The following BICC1 variants were observed in gnomAD, a reference collection of about 807,000 sequenced individuals.
The protein encoded by BICC1 is protein bicaudal C homolog 1.
Under a neutral mutation model 111.0 loss-of-function variants are expected in BICC1, and 43 were observed. The observed-to-expected ratio is 0.39, with a 90% CI of 0.30 to 0.50. BICC1 has a LOEUF of 0.50. Ranked by LOEUF, BICC1 falls within the 20% of genes least tolerant of loss-of-function variation. BICC1 has a pLI of 0.88. For synonymous variants in BICC1, 467 were observed against 434.4 expected (o/e 1.07, Z -0.93); for missense variants, 1,091 against 1,203.2 (o/e 0.91, Z 1.38).
chr10:58,541,783 C>T (rs994880659), intron 1 of BICC1, among the ~76,000 whole-genome samples: 3 of 151,960 alleles, frequency 2.0e-5, no homozygotes, highest in Non-Finnish European at 4.4e-5. Context: ...AGCTCGAAAC[C>T]TCGTATGTCC....
At chr10:58,773,430 C>A (rs1462308682) in intron 3 of BICC1, among the ~76,000 whole-genome samples, 1 of 152,180 alleles carries the variant, frequency 6.6e-6, no homozygotes, top group Admixed American at 6.5e-5. Flanking sequence ...GGGCTGTTTA[C>A]AGTAGACAGG....
chr10:58,603,713 T>C (rs746036218), intron 1 of BICC1, among the ~76,000 whole-genome samples: 18 of 152,284 alleles, frequency 1.2e-4, no homozygotes, highest in Middle Eastern at 6.8e-3. Flanking sequence ...TGAAATTATA[T>C]AGAATGTACA....
At chr10:58,662,478 A>G (rs1340078917) in intron 2 of BICC1, among the ~76,000 whole-genome samples, 1 of 152,224 alleles carries the variant, frequency 6.6e-6, no homozygotes. Context: ...GAAGTCAGCT[A>G]AGTCTCCATA....
At chr10:58,555,306 ATTTTTTTTTTTT>A (rs61692850) in intron 1 of BICC1, among the ~76,000 whole-genome samples, 1 of 102,536 alleles carries the variant, frequency 9.8e-6, no homozygotes, top group Non-Finnish European at 1.9e-5. Flanking sequence ...GCTGTTGGAC[ATTTTTTTTTTTT>A]TTTTTTTTTT....
chr10:58,796,595 A>G lies in BICC1; in HGVS notation c.1366+69A>G, dbSNP rs1843361920. 2.1e-6 allele frequency: 3 copies of G among 1,442,688 alleles called. No homozygotes were observed. In the South Asian group the frequency reaches 4.1e-5, roughly 20 times the overall value. The allele number at this position is 1,442,688 out of a possible 1,614,324, so 89.4% of individuals were successfully genotyped here. On this transcript the variant is annotated intron_variant, in intron 10 of 20. Coordinates refer to ENST00000373886, the MANE Select transcript of BICC1 (RefSeq NM_001080512.3). ...TGCTTGTCTGGTTCCCTTTCTTTCT[A>G]CCATTCGGGTCTACATTTAAAGGCT...
At chr10:58,607,527 T>A (rs886093073) in intron 1 of BICC1, among the ~76,000 whole-genome samples, 5 of 151,788 alleles carry the variant, frequency 3.3e-5, no homozygotes, top group Admixed American at 6.6e-5. Flanking sequence ...TCCCTTGCTT[T>A]CTCCCTCCTG....
intron 2 of BICC1, among the ~76,000 whole-genome samples, chr10:58,679,723 G>A (rs1839456168): frequency 6.6e-6 from 1 of 152,104 alleles, no homozygotes; most frequent in Non-Finnish European, 1.5e-5. Context: ...ACCTGGCAGA[G>A]AGACAATAAA....
chr10:58,707,997 A>AATATTTAATT (rs1840443544), intron 3 of BICC1, among the ~76,000 whole-genome samples: 1 of 71,484 alleles, frequency 1.4e-5, no homozygotes. Context: ...GCGCCTAGCC[A>AATATTTAATT]GCTAATTTTT....
rs1843502699 is a variant in BICC1 at position 58,800,317 on chromosome 10, C to T, written c.1849C>T (p.Pro617Ser). 2 of 1,613,224 alleles carry T rather than the reference C, an allele frequency of 1.2e-6. No homozygotes were observed. ...GSEQTSPKSS[P>S]TEGCNDAFVE... is the part of the protein sequence containing the mutation. ...TGAGCAGACATCTCCCAAATCAAGC[C>T]CCACTGAAGGTCGGGAACTGTACCC... The change falls in exon 13 of 21, where the codon CCC becomes TCC. Residue 617 changes from proline to serine, a missense_variant. Pro to Ser is a moderately conservative substitution (Grantham distance 74). This residue lies in a region of BICC1 where 843 missense variants were observed against 900.8 expected (regional missense o/e 0.94). Transcript: ENST00000373886.
intron 10 of BICC1, among the ~76,000 whole-genome samples, chr10:58,797,299 A>C (rs1222603785): frequency 6.6e-6 from 1 of 152,222 alleles, no homozygotes; most frequent in African/African-American, 2.4e-5. Context: ...TTGATTTGAG[A>C]CAAAAAAGAA....
intron 3 of BICC1, among the ~76,000 whole-genome samples, chr10:58,711,596 A>G (rs1840574897): frequency 6.6e-6 from 1 of 152,086 alleles, no homozygotes; most frequent in African/African-American, 2.4e-5. Flanking sequence ...GCTTGGGTTC[A>G]TTTCTTGATC....
chr10:58,578,890 C>T (rs1229480358), intron 1 of BICC1, among the ~76,000 whole-genome samples: 1 of 152,128 alleles, frequency 6.6e-6, no homozygotes, highest in Middle Eastern at 3.2e-3. Flanking sequence ...GCCCTCTGTG[C>T]CCTCACCTCT....
At chr10:58,826,425 GA>G (rs914328195) in intron 20 of BICC1, among the ~76,000 whole-genome samples, 2 of 151,914 alleles carry the variant, frequency 1.3e-5, no homozygotes, top group East Asian at 1.9e-4. Context: ...TCCTATTCTG[GA>G]AAAAAAATGC....
rs553157178 is a variant in BICC1, at chr10:58,828,940, G to A, written c.*49G>A. The A allele has an allele frequency of 6.2e-6, 10 of 1,608,518 alleles. No individual in the cohort carries two copies. The highest frequency in any genetic ancestry group is 1.8e-4 in the Middle Eastern group (1 of 5,622). Reference sequence around the variant, plus strand: ...GCTGACTAACTGTAAAGTGGACACAGGAGATGTATGAACAGCCTTCACAGC... The same window carrying A: ...GCTGACTAACTGTAAAGTGGACACAAGAGATGTATGAACAGCCTTCACAGC... On this transcript the variant is annotated 3_prime_UTR_variant, in exon 21 of 21. Transcript: ENST00000373886.
chr10:58,812,418 G>T (rs1043336580), intron 17 of BICC1, among the ~76,000 whole-genome samples: 9 of 151,946 alleles, frequency 5.9e-5, no homozygotes, highest in African/African-American at 1.7e-4. Context: ...GATGCCTATC[G>T]GACAGGAAAA....
chr10:58,577,503 C>T (rs1376000509), intron 1 of BICC1, among the ~76,000 whole-genome samples: 2 of 152,172 alleles, frequency 1.3e-5, no homozygotes, highest in Non-Finnish European at 1.5e-5. Context: ...ATATGGAAGA[C>T]AGTGAAGTAT....
At chr10:58,731,161 G>GT (rs1841280546) in intron 3 of BICC1, among the ~76,000 whole-genome samples, 1 of 152,160 alleles carries the variant, frequency 6.6e-6, no homozygotes, top group Non-Finnish European at 1.5e-5. Context: ...TCTCTCACAA[G>GT]TTTAAAGTTC....
At chr10:58,819,989 A>G (rs918355393) in intron 19 of BICC1, among the ~76,000 whole-genome samples, 3 of 152,162 alleles carry the variant, frequency 2.0e-5, no homozygotes, top group African/African-American at 7.2e-5. Flanking sequence ...GGAAGATGCC[A>G]TCTGTTTTAT....
intron 3 of BICC1, among the ~76,000 whole-genome samples, chr10:58,782,985 G>C (rs1189111582): frequency 6.6e-6 from 1 of 152,186 alleles, no homozygotes; most frequent in African/African-American, 2.4e-5. Context: ...AGATGCTGTT[G>C]GGCTCTCTCC....
Sources: gnomAD v4.1 joint callset for allele counts (sites outside exome capture counted in the v4.1 genomes callset) on GRCh38, gnomAD v4.1.1 for gene constraint, gnomAD v4.1.1 regional missense constraint, MANE v1.5 for transcripts, NCBI Gene and HGNC (gene_info 2026-07-23, HGNC 2026-07-21) for gene names.